POU2F2: variants seen among roughly 807,000 people sequenced by gnomAD.
POU2F2 encodes POU class 2 homeobox 2, also known as POU domain, class 2, transcription factor 2.
In POU2F2, 14 loss-of-function variants were observed where a neutral mutation model predicts 63.5. The observed-to-expected ratio is 0.22, with a 90% CI of 0.15 to 0.34. POU2F2 has a LOEUF of 0.34. Among genes scored for constraint, POU2F2 ranks in the 10% least tolerant of loss-of-function variants. POU2F2 has a pLI of 1.00. For synonymous variants in POU2F2, 306 were observed against 348.6 expected (o/e 0.88, Z 1.36); for missense variants, 607 against 815.2 (o/e 0.74, Z 3.11).
chr19:42,127,825 T>A (rs865989952), intron 1 of POU2F2, among the ~76,000 whole-genome samples: 7 of 152,144 alleles, frequency 4.6e-5, no homozygotes, highest in Middle Eastern at 3.4e-3. Context: ...ATGTCTCCCC[T>A]ATCAGACTAG....
chr19:42,125,706 A>T (rs564955223), intron 1 of POU2F2, among the ~76,000 whole-genome samples: 18 of 152,214 alleles, frequency 1.2e-4, no homozygotes, highest in Non-Finnish European at 2.5e-4. Context: ...GCGGAGCTCC[A>T]CATTGCCTCA....
chr19:42,125,571 G>C (rs1467416602), intron 1 of POU2F2, among the ~76,000 whole-genome samples: 6 of 152,104 alleles, frequency 3.9e-5, no homozygotes, highest in Non-Finnish European at 7.4e-5. Context: ...CCTGATCCTA[G>C]CTCTAGTTCA....
At chr19:42,184,846 T>C (rs1353619285) in intron 1 of POU2F2, among the ~76,000 whole-genome samples, 1 of 152,110 alleles carries the variant, frequency 6.6e-6, no homozygotes, top group Non-Finnish European at 1.5e-5. Flanking sequence ...ATCCCTAAAT[T>C]TGTCTCCAGT....
chr19:42,099,451 C>T, intron 7 of POU2F2, 76 bp downstream of exon 7: 1 of 1,312,576 alleles, frequency 7.6e-7, no homozygotes, highest in East Asian at 2.3e-5. Flanking sequence ...TCTCACTCAT[C>T]CCCCACCCCC....
In POU2F2 at chr19:42,149,994, G is replaced by T. The variant is rs1030587296; in HGVS notation, c.-9+10338C>A. Among the ~76,000 whole-genome samples, 4 of 152,352 alleles carry T rather than the reference G, an allele frequency of 2.6e-5. No individual in the cohort carries two copies. The East Asian group carries it at 7.7e-4, about 29-fold the overall frequency. On this transcript the variant is annotated intron_variant, in intron 2 of 6. Coordinates refer to the POU2F2 transcript ENST00000524801. ...GCCCTGGGGGACTGAGAGCTGAAGT[G>T]CTGTAACCAGGGGCAGAGAGGCTGC... is the stretch of plus-strand genomic sequence containing the variant.
chr19:42,139,421 T>C (rs1452930887), intron 2 of POU2F2, among the ~76,000 whole-genome samples: 2 of 152,170 alleles, frequency 1.3e-5, no homozygotes, highest in African/African-American at 4.8e-5. Context: ...GACCTCAGTT[T>C]CCCCAGATAT....
chr19:42,150,582 C>T (rs1440793551), intron 2 of POU2F2, among the ~76,000 whole-genome samples: 1 of 143,790 alleles, frequency 7.0e-6, no homozygotes, highest in Non-Finnish European at 1.5e-5. Context: ...GCGGAGGGCT[C>T]AGCGCAGAGG....
chr19:42,124,614 C>A (rs1191581337), intron 1 of POU2F2, among the ~76,000 whole-genome samples: 1 of 152,150 alleles, frequency 6.6e-6, no homozygotes, highest in East Asian at 1.9e-4. Context: ...AGGACATGGG[C>A]AGAATTCTTC....
intron 1 of POU2F2, among the ~76,000 whole-genome samples, chr19:42,186,615 T>C (rs1184959205): frequency 6.6e-6 from 1 of 151,796 alleles, no homozygotes; most frequent in Non-Finnish European, 1.5e-5. Flanking sequence ...AGAATATGAA[T>C]CTGAGAGGAC....
rs555049468 is a variant in POU2F2, at chr19:42,148,296, A to T, written c.-9+12036T>A. Among the ~76,000 whole-genome samples, 8 of 152,286 alleles carry T rather than the reference A, an allele frequency of 5.3e-5. No individual in the cohort carries two copies. In the South Asian group the frequency reaches 1.7e-3, roughly 32 times the overall value. On this transcript the variant is annotated intron_variant, in intron 2 of 6. Transcript: ENST00000524801. The stretch of plus-strand genomic sequence containing the variant: ...ATTAGGAAGGCCTTGTACTAATTGG[A>T]AAACTTTTGTTTGACGGTAATGCCA...
At position 42,095,521 on chromosome 19, in the gene POU2F2, C is replaced by A. The variant is rs1198348522; in HGVS notation, c.1020+24G>T. On this transcript the variant is annotated intron_variant, in intron 10 of 14. Coordinates refer to ENST00000692977, the MANE Select transcript of POU2F2 (RefSeq NM_001394376.1). The surrounding 1 kb of genome is among the most constrained non-coding windows in gnomAD (Gnocchi z 7.1). ...CCGCCCGCCACCCCTCAGGTGAGGG[C>A]CACCCAGGAGAGGGGGGCCTCACCG... 6.2e-7 allele frequency: 1 copy of A among 1,601,302 alleles called. No homozygotes were observed. The highest frequency in any genetic ancestry group is 1.7e-5 in the Admixed American group (1 of 58,746).
At chr19:42,121,148 G>A (rs2032561298) in intron 4 of POU2F2, among the ~76,000 whole-genome samples, 1 of 152,170 alleles carries the variant, frequency 6.6e-6, no homozygotes, top group African/African-American at 2.4e-5. Context: ...CTGAGGACAG[G>A]GTGGGGGCAA....
At chr19:42,132,776 G>C (rs551892705), upstream of POU2F2, 25 of 278,576 alleles carry the variant, frequency 9.0e-5, no homozygotes, top group Non-Finnish European at 1.3e-4. Flanking sequence ...GTCCACAGCA[G>C]TAACAACAAT....
rs775641918 is a variant in POU2F2, at chr19:42,169,770, G to A, written c.-70+6193C>T. ...CGTGTGTGTGTGCGTGTGTGTGTGT[G>A]TCGGGGTGATATAAACACATGTGCG... On this transcript the variant is annotated intron_variant, in intron 1 of 6. Coordinates refer to the POU2F2 transcript ENST00000524801. The surrounding 1 kb of genome is among the most constrained non-coding windows in gnomAD (Gnocchi z 4.3). Among the ~76,000 whole-genome samples the A allele has an allele frequency of 2.6e-5, 4 of 152,092 alleles. No individual in the cohort carries two copies. The highest frequency in any genetic ancestry group is 5.9e-5 in the Non-Finnish European group (4 of 68,024).
chr19:42,119,395 C>T (rs1235803217), intron 4 of POU2F2, among the ~76,000 whole-genome samples: 6 of 152,194 alleles, frequency 3.9e-5, no homozygotes, highest in Non-Finnish European at 8.8e-5. Context: ...TAAAAATAGG[C>T]TGAGCGCGGT....
At chr19:42,139,443 G>A (rs2034084365) in intron 2 of POU2F2, among the ~76,000 whole-genome samples, 2 of 152,150 alleles carry the variant, frequency 1.3e-5, no homozygotes, top group African/African-American at 2.4e-5. Flanking sequence ...TGTCTGAGAT[G>A]GGCTGGAGAA....
chr19:42,096,334 C>T lies in POU2F2; in HGVS notation c.568-91G>A. 1 of 1,315,710 alleles carries T rather than the reference C, an allele frequency of 7.6e-7. No individual in the cohort carries two copies. The highest frequency in any genetic ancestry group is 2.8e-5 in the Admixed American group (1 of 36,194). The allele number at this position is 1,315,710 out of a possible 1,614,324, so 81.5% of individuals were successfully genotyped here. A position where few individuals can be genotyped will look rare whatever the true frequency, so the allele number is the denominator to read the frequency against. ...CACAGTCCCCCTCCCGCCCTCTTCG[C>T]CCCTGCGTTCCATCCGCCGCCTGCA... On this transcript the variant is annotated intron_variant, in intron 7 of 14. Transcript: ENST00000692977. The surrounding 1 kb of genome is among the most constrained non-coding windows in gnomAD (Gnocchi z 4.1).
At position 42,091,263 on chromosome 19, in the gene POU2F2, AG is replaced by A; in HGVS notation, c.1868del (p.Pro623LeufsTer61). 1 of 1,525,886 alleles carries A rather than the reference AG, an allele frequency of 6.6e-7. No homozygotes were observed. Among genetic ancestry groups the A allele is most frequent in the Non-Finnish European group, 8.8e-7 (1 of 1,142,314 alleles). The allele number at this position is 1,525,886 out of a possible 1,614,324, so 94.5% of individuals were successfully genotyped here. ...GPGGPEAGSK[P>X]E is the part of the protein sequence containing the mutation. Reference sequence around the variant, plus strand: ...GGGGAGGCATGGCTGGCCCTCACTCAGGTTTGGACCCTGCCTCGGGCCCCCC... The same window carrying A: ...GGGGAGGCATGGCTGGCCCTCACTCAGTTTGGACCCTGCCTCGGGCCCCCC... On this transcript the variant is annotated frameshift_variant, in exon 15 of 15. Coordinates refer to ENST00000692977, the MANE Select transcript of POU2F2 (RefSeq NM_001394376.1). LOFTEE classifies it high-confidence loss of function.
At chr19:42,172,756 C>T (rs928298245) in intron 1 of POU2F2, among the ~76,000 whole-genome samples, 25 of 152,146 alleles carry the variant, frequency 1.6e-4, no homozygotes, top group Admixed American at 6.5e-4. Context: ...GGATATAAAG[C>T]GAGACCCACA....
Sources: gnomAD v4.1 joint callset for allele counts (sites outside exome capture counted in the v4.1 genomes callset) on GRCh38, gnomAD v4.1.1 for gene constraint, Gnocchi (gnomAD v3.1) non-coding constraint, MANE v1.5 for transcripts, NCBI Gene and HGNC (gene_info 2026-07-23, HGNC 2026-07-21) for gene names.